Variants in NR3C1 observed in about 807,000 individuals in gnomAD.
NR3C1 encodes the protein glucocorticoid receptor.
In NR3C1, 14 loss-of-function variants were observed where a neutral mutation model predicts 74.0. The observed-to-expected ratio is 0.19, with a 90% CI of 0.12 to 0.30. The LOEUF (loss-of-function observed/expected upper bound fraction) is 0.30. Ranked by LOEUF, NR3C1 falls within the 10% of genes least tolerant of loss-of-function variation. NR3C1 has a pLI of 1.00. For synonymous variants in NR3C1, 308 were observed against 332.5 expected (o/e 0.93, Z 0.80); for missense variants, 695 against 909.8 (o/e 0.76, Z 3.04).
chr5:143,281,761 T>C lies in NR3C1; in HGVS notation c.*128A>G. ...CTATAAACCACATGTAGTGCGTATT[T>C]AAAACAAAACAACAGATGAAAACAA... On this transcript the variant is annotated 3_prime_UTR_variant, in exon 9 of 9. Coordinates refer to ENST00000394464, the MANE Select transcript of NR3C1 (RefSeq NM_000176.3). 1 of 1,088,868 alleles carries C rather than the reference T, an allele frequency of 9.2e-7. No individual in the cohort carries two copies. Among genetic ancestry groups the C allele is most frequent in the Non-Finnish European group, 1.3e-6 (1 of 747,140 alleles). The allele number at this position is 1,088,868 out of a possible 1,614,324, so 67.5% of individuals were successfully genotyped here. A position where few individuals can be genotyped will look rare whatever the true frequency, so the allele number is the denominator to read the frequency against.
At chr5:143,433,900 G>C (rs892567958) in intron 1 of NR3C1, 1 of 152,436 alleles carries the variant, frequency 6.6e-6, no homozygotes, top group African/African-American at 2.4e-5. Context: ...TCAAAGCCCA[G>C]TCTGCACCTG....
chr5:143,398,842 T>C (rs1839730539), intron 2 of NR3C1, among the ~76,000 whole-genome samples: 1 of 152,128 alleles, frequency 6.6e-6, no homozygotes, highest in African/African-American at 2.4e-5. Flanking sequence ...AAAATATCAG[T>C]ATGCTTATAA....
At chr5:143,433,713 C>CCTTA (rs1751984070) in intron 1 of NR3C1, 1 of 152,204 alleles carries the variant, frequency 6.6e-6, no homozygotes, top group Non-Finnish European at 1.5e-5. Flanking sequence ...CCATCTGAGG[C>CCTTA]CTTACCTCTC....
chr5:143,297,484 G>A (rs1326638067), intron 6 of NR3C1, among the ~76,000 whole-genome samples: 2 of 152,156 alleles, frequency 1.3e-5, no homozygotes, highest in African/African-American at 2.4e-5. Flanking sequence ...GAGTAATAAT[G>A]TCTTCAGTTT....
intron 2 of NR3C1, among the ~76,000 whole-genome samples, chr5:143,326,029 G>A (rs1824526436): frequency 6.6e-6 from 1 of 152,180 alleles, no homozygotes; most frequent in Non-Finnish European, 1.5e-5. Context: ...GTGTCAAGCT[G>A]CATGCCTAGG....
chr5:143,431,209 CA>C (rs1322129773), intron 1 of NR3C1, among the ~76,000 whole-genome samples: 1 of 152,084 alleles, frequency 6.6e-6, no homozygotes, highest in African/African-American at 2.4e-5. Flanking sequence ...AGATGGGCCA[CA>C]CCCTTCCCCA....
chr5:143,403,121 G>C, intron 1 of NR3C1, 90 bp downstream of exon 1: 1 of 962,562 alleles, frequency 1.0e-6, no homozygotes, highest in Non-Finnish European at 1.2e-6. Context: ...AAGTTTGTAG[G>C]CTCCCGCGGC....
chr5:143,404,385 G>T, upstream of NR3C1: 1 of 966,584 alleles, frequency 1.0e-6, no homozygotes, highest in Non-Finnish European at 1.2e-6. Context: ...CTTTGGGCCC[G>T]GGGGGAGTCG....
rs185422568 is a variant in NR3C1 at position 143,410,460 on chromosome 5, T to C, written c.-13-9608A>G. The stretch of plus-strand genomic sequence containing the variant: ...GTGCTACAAAGGACATTTGTCACCA[T>C]TGAAAAAAAAATTGTTTTGAGATCA... On this transcript the variant is annotated intron_variant, in intron 1 of 8. Coordinates refer to the NR3C1 transcript ENST00000343796. Among the ~76,000 whole-genome samples, 15 of 152,236 alleles carry C rather than the reference T, an allele frequency of 9.9e-5. No homozygotes were observed. The East Asian group carries it at 1.7e-3, about 18-fold the overall frequency.
intron 2 of NR3C1, among the ~76,000 whole-genome samples, chr5:143,363,702 C>T (rs2151829470): frequency 6.6e-6 from 1 of 151,990 alleles, no homozygotes; most frequent in South Asian, 2.1e-4. Context: ...ATAAAGATAG[C>T]AATGATAAAA....
intron 1 of NR3C1, among the ~76,000 whole-genome samples, chr5:143,417,210 G>A (rs1046112509): frequency 6.6e-6 from 1 of 152,052 alleles, no homozygotes; most frequent in African/African-American, 2.4e-5. Flanking sequence ...TAGCATTTGC[G>A]ATCTTGAAAC....
Position 143,333,372 on chromosome 5 carries a change from G to A in NR3C1, c.1185-19204C>T, listed in dbSNP as rs1167792897. On this transcript the variant is annotated intron_variant, in intron 2 of 8. Coordinates refer to ENST00000394464, the MANE Select transcript of NR3C1 (RefSeq NM_000176.3). ...TGAGATTGGGAGGAAAGAGGAGGCT[G>A]GTACAAATAGATGGAGACCTGCTGG... 4.8e-6 allele frequency: 3 copies of A among 630,522 alleles called. No homozygotes were observed. The Admixed American group carries it at 7.6e-5, about 16-fold the overall frequency. 39.1% of individuals were successfully genotyped at this position (630,522 alleles called of 1,614,324 possible).
At chr5:143,433,460 A>ATTTATAATTTATTTATTTAAAT (rs1751956977) in intron 1 of NR3C1, among the ~76,000 whole-genome samples, 2 of 146,002 alleles carry the variant, frequency 1.4e-5, no homozygotes, top group African/African-American at 2.5e-5. Context: ...AATTATATAT[A>ATTTATAATTTATTTATTTAAAT]TATATATATA....
intron 2 of NR3C1, among the ~76,000 whole-genome samples, chr5:143,341,753 A>G (rs935742011): frequency 6.6e-6 from 1 of 152,240 alleles, no homozygotes; most frequent in Non-Finnish European, 1.5e-5. Context: ...ATTTTGGGGA[A>G]AGAAAAGACC....
chr5:143,402,452 A>C, intron 1 of NR3C1: 1 of 357,536 alleles, frequency 2.8e-6, no homozygotes, highest in Non-Finnish European at 3.9e-6. Flanking sequence ...GCAGCACAAA[A>C]CCATTACGGT....
intron 5 of NR3C1, among the ~76,000 whole-genome samples, chr5:143,299,988 G>C (rs1189110886): frequency 6.6e-6 from 1 of 152,094 alleles, no homozygotes; most frequent in East Asian, 1.9e-4. Flanking sequence ...AATTCCAATA[G>C]GGTAACTTTT....
At chr5:143,346,947 C>A (rs1044138951) in intron 2 of NR3C1, among the ~76,000 whole-genome samples, 1 of 152,222 alleles carries the variant, frequency 6.6e-6, no homozygotes, top group Non-Finnish European at 1.5e-5. Context: ...GCTACCAAAG[C>A]AGCAACATGT....
At chr5:143,301,353 T>C (rs960354175) in intron 4 of NR3C1, among the ~76,000 whole-genome samples, 3 of 152,278 alleles carry the variant, frequency 2.0e-5, no homozygotes, top group South Asian at 2.1e-4. Flanking sequence ...AATTCACTTT[T>C]CACCTTTACA....
chr5:143,304,388 C>T (rs1561517986), intron 4 of NR3C1, among the ~76,000 whole-genome samples: 4 of 152,008 alleles, frequency 2.6e-5, no homozygotes, highest in Non-Finnish European at 4.4e-5. Flanking sequence ...AACTACAAAA[C>T]ACTGCTGAAA....
Sources: allele counts gnomAD v4.1 joint callset (sites outside exome capture counted in the v4.1 genomes callset), GRCh38; gene constraint gnomAD v4.1.1; transcripts MANE v1.5; gene names NCBI Gene and HGNC (gene_info 2026-07-23, HGNC 2026-07-21).